The following THSD7B variants were observed in gnomAD, a reference collection of about 807,000 sequenced individuals.
THSD7B encodes the protein thrombospondin type-1 domain-containing protein 7B.
A neutral mutation model predicts 213.6 loss-of-function variants in THSD7B; 138 were observed. That is an observed-to-expected ratio of 0.65 (90% CI 0.56 to 0.74). THSD7B has a LOEUF of 0.74. Ranked by LOEUF, THSD7B falls within the 30% of genes least tolerant of loss-of-function variation. THSD7B has a pLI of 0.00. For missense variants in THSD7B, 1,931 were observed against 1,991.5 expected, an observed-to-expected ratio of 0.97 and a Z score of 0.58; for synonymous variants, 742 against 687.0, an observed-to-expected ratio of 1.08 and a Z score of -1.25.
chr2:136,851,555 T>A (rs1258841848), intron 1 of THSD7B, among the ~76,000 whole-genome samples: 6 of 152,188 alleles, frequency 3.9e-5, no homozygotes, highest in Non-Finnish European at 5.9e-5. Context: ...CTATTTTTTA[T>A]TATTGTTTAC....
chr2:137,519,921 G>A (rs191177599), intron 15 of THSD7B, among the ~76,000 whole-genome samples: 182 of 152,330 alleles, frequency 1.2e-3, no homozygotes, highest in Admixed American at 4.8e-3. Context: ...ATCGCAGCAA[G>A]AGAATATAAA....
At position 137,657,090 on chromosome 2, in the gene THSD7B, G is replaced by A; in HGVS notation, c.4305G>A (p.Trp1435Ter). The change falls in exon 24 of 28, where the codon TGG becomes TGA. Residue 1435 changes from tryptophan to a stop codon, truncating the protein, a stop_gained. Transcript: ENST00000409968. LOFTEE classifies it high-confidence loss of function. ...GAGGCAAATGTTATCACTACACATG[G>A]AAAGCAAGTCTTTGGAACAATAACG... ...CTGGKCYHYTWKASLWNNNER... is the reference protein window; with the variant it reads ...CTGGKCYHYT 1 of 1,613,990 alleles carries A rather than the reference G, an allele frequency of 6.2e-7. No homozygotes were observed. Among genetic ancestry groups the A allele is most frequent in the Non-Finnish European group, 8.5e-7 (1 of 1,179,894 alleles).
chr2:137,177,969 G>A (rs796083459), intron 7 of THSD7B, among the ~76,000 whole-genome samples: 1 of 151,714 alleles, frequency 6.6e-6, no homozygotes, highest in African/African-American at 2.4e-5. Flanking sequence ...TATTCGGGAG[G>A]CTGAGACAGG....
At chr2:137,553,068 T>C (rs1019413259) in intron 15 of THSD7B, among the ~76,000 whole-genome samples, 5 of 152,192 alleles carry the variant, frequency 3.3e-5, no homozygotes, top group African/African-American at 1.2e-4. Flanking sequence ...TCAGTGTTCC[T>C]AGAGACCATT....
rs1468821278 is a variant in THSD7B, at chr2:137,057,004, A to T, written c.724A>T (p.Ser242Cys). 2 of 1,613,838 alleles carry T rather than the reference A, an allele frequency of 1.2e-6. No individual in the cohort carries two copies. Among genetic ancestry groups the T allele is most frequent in the African/African-American group, 2.7e-5 (2 of 74,900 alleles). ...TCTTGGGGAAGAGGAATATACATTT[A>T]GCCTTAAGGTTGGACCATGGAGTAA... is the stretch of plus-strand genomic sequence containing the variant. ...CPLGEEEYTF[S>C]LKVGPWSKCR... is the part of the protein sequence containing the mutation. The change falls in exon 3 of 28, where the codon AGC becomes TGC. Residue 242 changes from serine to cysteine, a missense_variant. Coordinates refer to ENST00000409968, the MANE Select transcript of THSD7B (RefSeq NM_001316349.2).
chr2:137,531,567 T>G (rs1013853945), intron 15 of THSD7B, among the ~76,000 whole-genome samples: 5 of 151,972 alleles, frequency 3.3e-5, no homozygotes, highest in Non-Finnish European at 7.4e-5. Flanking sequence ...TGGAAATTTA[T>G]ATAATTATAC....
chr2:137,353,958 A>G (rs914995582), intron 12 of THSD7B, among the ~76,000 whole-genome samples: 5 of 152,018 alleles, frequency 3.3e-5, no homozygotes, highest in African/African-American at 1.2e-4. Context: ...GCCAATCTTA[A>G]AACCATCTGG....
chr2:137,592,037 C>T (rs546068556), intron 17 of THSD7B, among the ~76,000 whole-genome samples: 1 of 151,402 alleles, frequency 6.6e-6, no homozygotes, highest in Non-Finnish European at 1.5e-5. Context: ...TAATTGGCAT[C>T]TGTTGTATTA....
At chr2:137,624,872 T>C (rs1682593308) in intron 20 of THSD7B, among the ~76,000 whole-genome samples, 1 of 152,238 alleles carries the variant, frequency 6.6e-6, no homozygotes, top group African/African-American at 2.4e-5. Flanking sequence ...TTTACACTGT[T>C]GGTGGGACTG....
At chr2:137,676,340 G>A (rs1198543050) in intron 27 of THSD7B, among the ~76,000 whole-genome samples, 184 bp from the exon 28 acceptor site, 2 of 152,094 alleles carry the variant, frequency 1.3e-5, no homozygotes, top group African/African-American at 2.4e-5. Flanking sequence ...GAAAAATGAT[G>A]GCTTCTCCTT....
chr2:137,070,832 G>C (rs1198811534), intron 3 of THSD7B, among the ~76,000 whole-genome samples: 1 of 151,918 alleles, frequency 6.6e-6, no homozygotes, highest in Non-Finnish European at 1.5e-5. Flanking sequence ...TTGTCCTTGC[G>C]ATAGTTTGCT....
At chr2:136,867,343 G>A (rs1302716245) in intron 1 of THSD7B, among the ~76,000 whole-genome samples, 1 of 152,036 alleles carries the variant, frequency 6.6e-6, no homozygotes, top group Non-Finnish European at 1.5e-5. Flanking sequence ...TGAAGCCCGT[G>A]GGTTTCCATG....
At chr2:136,864,608 A>G (rs1683304139) in intron 1 of THSD7B, among the ~76,000 whole-genome samples, 1 of 150,634 alleles carries the variant, frequency 6.6e-6, no homozygotes, top group South Asian at 2.1e-4. Context: ...GCTGGAGTGC[A>G]GTGGTGCGAT....
At chr2:137,022,889 C>T (rs1399758009) in intron 2 of THSD7B, among the ~76,000 whole-genome samples, 2 of 152,100 alleles carry the variant, frequency 1.3e-5, no homozygotes, top group African/African-American at 2.4e-5. Flanking sequence ...ACAAAATCAA[C>T]TATAGATAAT....
At chr2:137,564,676 G>C (rs942387376) in intron 16 of THSD7B, among the ~76,000 whole-genome samples, 1 of 152,066 alleles carries the variant, frequency 6.6e-6, no homozygotes, top group African/African-American at 2.4e-5. Flanking sequence ...AATCTCAGGA[G>C]AAAAAGAAAA....
intron 14 of THSD7B, among the ~76,000 whole-genome samples, chr2:137,442,848 G>A (rs1267035076): frequency 3.3e-5 from 5 of 152,116 alleles, no homozygotes; most frequent in Admixed American, 2.0e-4. Context: ...AGTTTAAGGT[G>A]AAATTCTCTC....
At chr2:137,073,104 T>C (rs1217924434) in intron 3 of THSD7B, among the ~76,000 whole-genome samples, 2 of 152,192 alleles carry the variant, frequency 1.3e-5, no homozygotes, top group African/African-American at 4.8e-5. Flanking sequence ...GGTATCAGGA[T>C]GATGCTGGCC....
Position 137,311,314 on chromosome 2 carries a change from G to A in THSD7B, c.2500+35288G>A, listed in dbSNP as rs537206533. Among the ~76,000 whole-genome samples, 757 of 150,198 alleles carry A rather than the reference G, an allele frequency of 5.0e-3. 8 individuals are homozygous for A. Among genetic ancestry groups the A allele is most frequent in the African/African-American group, 0.018 (712 of 40,102 alleles). On this transcript the variant is annotated intron_variant, in intron 12 of 27. Coordinates refer to ENST00000409968, the MANE Select transcript of THSD7B (RefSeq NM_001316349.2). Reference sequence around the variant, plus strand: ...TGATTTGGCTCTCTGTTTGTCTGTTGTTGGTGTATAAGAATGCTTGTGATT... The same window carrying A: ...TGATTTGGCTCTCTGTTTGTCTGTTATTGGTGTATAAGAATGCTTGTGATT...
At chr2:137,081,715 G>C (rs1412061650) in intron 3 of THSD7B, among the ~76,000 whole-genome samples, 1 of 152,070 alleles carries the variant, frequency 6.6e-6, no homozygotes. Context: ...AGGAGACTTT[G>C]TTAGTAGAAA....
Sources: gnomAD v4.1 joint callset for allele counts (sites outside exome capture counted in the v4.1 genomes callset) on GRCh38, gnomAD v4.1.1 for gene constraint, MANE v1.5 for transcripts, NCBI Gene and HGNC (gene_info 2026-07-23, HGNC 2026-07-21) for gene names.